The following NLRP11 variants were observed in gnomAD, a reference collection of about 807,000 sequenced individuals.
The protein encoded by NLRP11 is NACHT, LRR and PYD domains-containing protein 11.
Under a neutral mutation model 79.3 loss-of-function variants are expected in NLRP11, and 53 were observed. That is an observed-to-expected ratio of 0.67 (90% CI 0.54 to 0.84). The LOEUF (loss-of-function observed/expected upper bound fraction) is 0.84, where lower values mean the gene tolerates loss of function less well. Among genes scored for constraint, NLRP11 ranks in the 40% least tolerant of loss-of-function variants. NLRP11 has a pLI of 0.00. For missense variants in NLRP11, 1,264 were observed against 1,255.0 expected (o/e 1.01, Z -0.11); for synonymous variants, 518 against 462.6 (o/e 1.12, Z -1.54).
chr19:55,808,663 C>T, intron 3 of NLRP11, 106 bp downstream of exon 3: 1 of 1,014,108 alleles, frequency 9.9e-7, no homozygotes, highest in East Asian at 2.4e-5. Context: ...GATTGGAAGT[C>T]AAGTTCTTCA....
At chr19:55,828,888 T>C (rs1982478925) in intron 1 of NLRP11, among the ~76,000 whole-genome samples, 1 of 145,900 alleles carries the variant, frequency 6.9e-6, no homozygotes, top group Non-Finnish European at 1.5e-5. Flanking sequence ...AAGAAAAATA[T>C]GTAGACAGGA....
At chr19:55,823,796 C>G (rs1394179864) in intron 1 of NLRP11, among the ~76,000 whole-genome samples, 1 of 148,246 alleles carries the variant, frequency 6.7e-6, no homozygotes, top group Non-Finnish European at 1.5e-5. Flanking sequence ...ATTGGTGTAC[C>G]TGAAAGTGAT....
At chr19:55,795,991 C>T in intron 6 of NLRP11, 89 bp downstream of exon 6, 2 of 1,203,958 alleles carry the variant, frequency 1.7e-6, no homozygotes, top group East Asian at 2.4e-5. Context: ...CTTTGCTGTC[C>T]CTTTCCCCAC....
At chr19:55,801,482 C>A in intron 5 of NLRP11, 90 bp downstream of exon 5, 1 of 952,880 alleles carries the variant, frequency 1.0e-6, no homozygotes, top group Non-Finnish European at 1.6e-6. Context: ...AAGGTAGGAG[C>A]AGGTAGTGTT....
intron 1 of NLRP11, among the ~76,000 whole-genome samples, chr19:55,818,821 T>TA (rs1263563764): frequency 1.3e-4 from 20 of 152,230 alleles, no homozygotes; most frequent in African/African-American, 3.6e-4. Flanking sequence ...GTCTTGTTAG[T>TA]ATATAAATGA....
intron 1 of NLRP11, among the ~76,000 whole-genome samples, chr19:55,829,221 C>G (rs1295052381): frequency 6.7e-6 from 1 of 149,362 alleles, no homozygotes; most frequent in Non-Finnish European, 1.5e-5. Flanking sequence ...TTTTGAGGAA[C>G]CTATGAAGCA....
At chr19:55,813,858 C>T (rs546894913) in intron 2 of NLRP11, among the ~76,000 whole-genome samples, 15 of 152,272 alleles carry the variant, frequency 9.9e-5, no homozygotes, top group African/African-American at 3.1e-4. Flanking sequence ...CCATGGTCTC[C>T]AGGAAAGCCT....
At chr19:55,818,584 A>G (rs1479364374) in intron 1 of NLRP11, among the ~76,000 whole-genome samples, 1 of 152,218 alleles carries the variant, frequency 6.6e-6, no homozygotes, top group African/African-American at 2.4e-5. Flanking sequence ...TTGGAAATCT[A>G]GACTTGTGGT....
intron 6 of NLRP11, 29 bp downstream of exon 6, chr19:55,796,051 A>G (rs1978816287): frequency 1.3e-6 from 2 of 1,587,748 alleles, no homozygotes; most frequent in Non-Finnish European, 1.7e-6. Context: ...CTGAGCTTCT[A>G]CGTGGTGAGC....
chr19:55,810,337 G>GCCTA lies in NLRP11; in HGVS notation c.272-3_272dup (p.Asn92ArgfsTer29), dbSNP rs1322740222. The stretch of plus-strand genomic sequence containing the variant: ...TGACAGCTTTGCATGCCTCCTGATT[G>GCCTA]CCTAATCCAGCGAGTACAGGGCAGA... On this transcript the variant is annotated frameshift_variant and splice_region_variant, in exon 3 of 10. Coordinates refer to ENST00000589093, the Ensembl canonical transcript of NLRP11. LOFTEE classifies it high-confidence loss of function. 1.9e-6 allele frequency: 3 copies of GCCTA among 1,605,030 alleles called. No homozygotes were observed. The highest frequency in any genetic ancestry group is 1.7e-6 in the Non-Finnish European group (2 of 1,174,368).
chr19:55,835,635 G>T (rs1983189390), upstream of NLRP11, among the ~76,000 whole-genome samples: 1 of 144,986 alleles, frequency 6.9e-6, no homozygotes, highest in Admixed American at 6.9e-5. Flanking sequence ...TGAGGTCAAG[G>T]GTTCGAGACC....
intron 1 of NLRP11, among the ~76,000 whole-genome samples, chr19:55,829,187 G>A (rs1982506832): frequency 7.5e-6 from 1 of 132,454 alleles, no homozygotes; most frequent in African/African-American, 3.3e-5. Context: ...TACACACGCT[G>A]ACACAATATT....
At chr19:55,803,351 CAAACA>C (rs934278642) in intron 4 of NLRP11, among the ~76,000 whole-genome samples, 8 of 151,016 alleles carry the variant, frequency 5.3e-5, no homozygotes, top group Admixed American at 2.0e-4. Flanking sequence ...AAAACAAAAA[CAAACA>C]AAACAAAACA....
rs115355453 is a variant in NLRP11, at chr19:55,788,898, G to T, written c.2764C>A (p.Leu922Ile). Residue 922 changes from leucine (L) to isoleucine (I), a missense_variant, in exon 9 of 10, where the codon CTC becomes ATC. Physicochemically the swap from Leu to Ile is conservative, Grantham distance 5. Transcript: ENST00000589093. ...CCCAAGTGATTTTGAAGCAAGTTGAGTCTTTCTAGTGTTTTGTTGGTGGTA... is the reference window on the plus strand; with the variant it reads ...CCCAAGTGATTTTGAAGCAAGTTGATTCTTTCTAGTGTTTTGTTGGTGGTA... 1.7e-3 allele frequency: 2,683 copies of T among 1,613,930 alleles called. 42 individuals are homozygous for T. In the African/African-American group the frequency reaches 0.032, roughly 19 times the overall value.
At chr19:55,795,710 G>A (rs1024104573) in intron 6 of NLRP11, among the ~76,000 whole-genome samples, 2 of 152,024 alleles carry the variant, frequency 1.3e-5, no homozygotes, top group Non-Finnish European at 2.9e-5. Flanking sequence ...GGCTGGTCTT[G>A]AACTCCTGAC....
At chr19:55,821,146 G>C (rs907654391) in intron 1 of NLRP11, among the ~76,000 whole-genome samples, 1 of 149,698 alleles carries the variant, frequency 6.7e-6, no homozygotes, top group African/African-American at 2.4e-5. Context: ...ACTGTTTAAT[G>C]CATATTTTGG....
At chr19:55,832,586 G>A (rs917606767), upstream of NLRP11, among the ~76,000 whole-genome samples, 3 of 152,250 alleles carry the variant, frequency 2.0e-5, no homozygotes, top group Admixed American at 6.5e-5. Context: ...GCTTTAGTCA[G>A]GAGGGAGTAT....
intron 7 of NLRP11, among the ~76,000 whole-genome samples, chr19:55,791,723 T>C (rs1471443131): frequency 6.6e-6 from 1 of 152,130 alleles, no homozygotes; most frequent in Admixed American, 6.5e-5. Context: ...ATACGAGAAG[T>C]TTGATTATTC....
At chr19:55,795,415 T>C (rs778401509) in intron 6 of NLRP11, among the ~76,000 whole-genome samples, 2 of 152,224 alleles carry the variant, frequency 1.3e-5, no homozygotes, top group Non-Finnish European at 2.9e-5. Flanking sequence ...GTGAGAACAA[T>C]ATAGGTTCCC....
Sources: gnomAD v4.1 joint callset for allele counts (sites outside exome capture counted in the v4.1 genomes callset) on GRCh38, gnomAD v4.1.1 for gene constraint, MANE v1.5 for transcripts, NCBI Gene and HGNC (gene_info 2026-07-23, HGNC 2026-07-21) for gene names.